TRPM4: variants seen among roughly 807,000 people sequenced by gnomAD.
TRPM4 encodes the protein calcium-activated non-selective cation channel 1.
A neutral mutation model predicts 135.6 loss-of-function variants in TRPM4; 124 were observed. The ratio of observed to expected loss-of-function variants is 0.91; its 90% confidence interval spans 0.79 to 1.06. TRPM4 has a LOEUF of 1.06. Ranked by LOEUF, TRPM4 falls within the 50% of genes least tolerant of loss-of-function variation. TRPM4 has a pLI of 0.00. For missense variants in TRPM4, 1,658 were observed against 1,671.4 expected, an observed-to-expected ratio of 0.99 and a Z score of 0.14; for synonymous variants, 745 against 705.6, an observed-to-expected ratio of 1.06 and a Z score of -0.88.
rs1250436786 is a variant in TRPM4 at position 49,188,738 on chromosome 19, A to G, written c.1841A>G (p.Asp614Gly). 1.2e-6 allele frequency: 2 copies of G among 1,614,060 alleles called. No homozygotes were observed. Among genetic ancestry groups the G allele is most frequent in the African/African-American group, 1.3e-5 (1 of 74,932 alleles). The change falls in exon 13 of 25, where the codon GAC becomes GGC. Residue 614 changes from aspartate (D) to glycine (G), a missense_variant. Physicochemically the swap from Asp to Gly is moderately conservative, Grantham distance 94. This residue lies in a region of TRPM4 where 1,412 missense variants were observed against 1,408.7 expected (regional missense o/e 1.00). Transcript: ENST00000252826. ...PDAEEAARRKDLAFKFEGMGV... is the reference protein window; with the variant it reads ...PDAEEAARRKGLAFKFEGMGV... ...GCTGAGGAGGCAGCACGGAGGAAAG[A>G]CCTGGCGTTCAAGTTTGAGGGGATG...
At chr19:49,189,654 C>G (rs1379174832) in intron 14 of TRPM4, among the ~76,000 whole-genome samples, 1 of 151,994 alleles carries the variant, frequency 6.6e-6, no homozygotes, top group Admixed American at 6.6e-5. Flanking sequence ...CCGATCCTGA[C>G]AAGTTGACAT....
intron 6 of TRPM4, among the ~76,000 whole-genome samples, chr19:49,170,098 C>T (rs927271738): frequency 6.6e-6 from 1 of 152,164 alleles, no homozygotes; most frequent in African/African-American, 2.4e-5. Context: ...AATCAATTTT[C>T]ACTTCAGTGA....
At chr19:49,172,219 C>T (rs1967492236) in intron 9 of TRPM4, 111 bp downstream of exon 9, 2 of 860,510 alleles carry the variant, frequency 2.3e-6, no homozygotes, top group East Asian at 2.5e-5. Context: ...GCCCCCTTTA[C>T]CCCTCTTAAT....
chr19:49,175,067 C>CTTTTTTTTTTTTT lies in TRPM4; in HGVS notation c.1150+2972_1150+2984dup, dbSNP rs772062913. Among the ~76,000 whole-genome samples, 35 of 77,578 alleles carry CTTTTTTTTTTTTT rather than the reference C, an allele frequency of 4.5e-4. 2 individuals carry two copies. Among genetic ancestry groups the CTTTTTTTTTTTTT allele is most frequent in the African/African-American group, 2.1e-3 (29 of 13,530 alleles). The allele number at this position is 77,578 out of a possible 152,430, so 50.9% of individuals were successfully genotyped here. ...CACAGGCATGTGCCATCATGCCTGGCTTTTTTTTTTTTTTTTTTTTTTTTT... is the reference window on the plus strand; with the variant it reads ...CACAGGCATGTGCCATCATGCCTGGCTTTTTTTTTTTTTTTTTTTTTTTTTTTTTTTTTTTTTT... On this transcript the variant is annotated intron_variant, in intron 9 of 24. Transcript: ENST00000252826.
chr19:49,161,554 T>A (rs1316746121), intron 2 of TRPM4, among the ~76,000 whole-genome samples: 1 of 151,604 alleles, frequency 6.6e-6, no homozygotes, highest in Non-Finnish European at 1.5e-5. Context: ...ATCCAACTCC[T>A]GGACTCAAGT....
chr19:49,201,006 T>TC (rs1213936906), intron 19 of TRPM4, among the ~76,000 whole-genome samples: 3 of 150,864 alleles, frequency 2.0e-5, no homozygotes, highest in Non-Finnish European at 4.4e-5. Flanking sequence ...TTTTCTTTTT[T>TC]TTTTTCTTTT....
chr19:49,166,215 T>C lies in TRPM4; in HGVS notation c.267T>C (p.Asn89=). 6.2e-7 allele frequency: 1 copy of C among 1,600,522 alleles called. No individual in the cohort carries two copies. ...CGGGGGCCGGCCGCAAGCACAGCAA[T>C]GTGAGGCGGGCCTCTGTGGGCGGGG... ...DFTGAGRKHS[N]FLRLSDRTDP... Residue 89 remains asparagine (N), a splice_region_variant and synonymous_variant, in exon 3 of 25, where the codon AAT becomes AAC. Transcript: ENST00000252826.
intron 20 of TRPM4, among the ~76,000 whole-genome samples, chr19:49,206,017 G>A (rs1969136088): frequency 6.6e-6 from 1 of 152,044 alleles, no homozygotes; most frequent in Non-Finnish European, 1.5e-5. Flanking sequence ...CGGGATTGCA[G>A]TGGCACGATC....
chr19:49,183,781 T>C (rs1042629800), intron 12 of TRPM4, among the ~76,000 whole-genome samples: 23 of 69,590 alleles, frequency 3.3e-4, no homozygotes, highest in South Asian at 1.1e-3. Context: ...TTTTCTTTTT[T>C]TTTTTTTTTT....
chr19:49,188,788 C>T lies in TRPM4; in HGVS notation c.1873+18C>T. The T allele has an allele frequency of 6.2e-7, 1 of 1,613,746 alleles. No individual in the cohort carries two copies. The highest frequency in any genetic ancestry group is 8.5e-7 in the Non-Finnish European group (1 of 1,179,816). ...GGGCGTTGGTGCGTGGGGCACGGTG[C>T]CTGGGAGCAGGGACGGGGGCTGCCG... On this transcript the variant is annotated intron_variant, in intron 13 of 24. Coordinates refer to ENST00000252826, the MANE Select transcript of TRPM4 (RefSeq NM_017636.4).
At chr19:49,181,804 T>A (rs942429955) in intron 10 of TRPM4, among the ~76,000 whole-genome samples, 1 of 151,960 alleles carries the variant, frequency 6.6e-6, no homozygotes, top group Non-Finnish European at 1.5e-5. Flanking sequence ...AGTGCTGGGG[T>A]TACAGGCATG....
At chr19:49,199,711 T>C (rs1366010925) in intron 17 of TRPM4, among the ~76,000 whole-genome samples, 1 of 151,376 alleles carries the variant, frequency 6.6e-6, no homozygotes, top group Non-Finnish European at 1.5e-5. Flanking sequence ...ACTTTCACTT[T>C]TGTATGTTTC....
At chr19:49,188,033 T>C (rs1051773915) in intron 12 of TRPM4, among the ~76,000 whole-genome samples, 1 of 152,200 alleles carries the variant, frequency 6.6e-6, no homozygotes, top group African/African-American at 2.4e-5. Flanking sequence ...AGCCAGAGGC[T>C]GCGTGACCCC....
chr19:49,182,496 CCA>C, intron 10 of TRPM4, 80 bp from the exon 11 acceptor site: 3 of 1,051,370 alleles, frequency 2.9e-6, no homozygotes, highest in Non-Finnish European at 4.3e-6. Context: ...ATCCATCCAT[CCA>C]TCCGTCCCTC....
chr19:49,205,210 G>A (rs1969103494), intron 20 of TRPM4, among the ~76,000 whole-genome samples: 1 of 151,990 alleles, frequency 6.6e-6, no homozygotes, highest in African/African-American at 2.4e-5. Flanking sequence ...GGATGCTAGA[G>A]GTCCAAAATC....
Position 49,171,784 on chromosome 19 carries a change from G to C in TRPM4, c.1050+15G>C, listed in dbSNP as rs776140649. The C allele has an allele frequency of 1.2e-6, 2 of 1,605,790 alleles. No homozygotes were observed. Among genetic ancestry groups the C allele is most frequent in the Admixed American group, 1.7e-5 (1 of 59,678 alleles). ...TGCAGGCCCAGGTATGACACTGGGGGCCCAACTCTGGATCCTGAGATGGGA... is the reference window on the plus strand; with the variant it reads ...TGCAGGCCCAGGTATGACACTGGGGCCCCAACTCTGGATCCTGAGATGGGA... On this transcript the variant is annotated intron_variant, in intron 8 of 24. Coordinates refer to ENST00000252826, the MANE Select transcript of TRPM4 (RefSeq NM_017636.4). The surrounding 1 kb of genome is among the most constrained non-coding windows in gnomAD (Gnocchi z 4.7).
At position 49,166,148 on chromosome 19, in the gene TRPM4, C is replaced by G. The variant is rs773612234; in HGVS notation, c.200C>G (p.Thr67Ser). 1.2e-6 allele frequency: 2 copies of G among 1,608,510 alleles called. No individual in the cohort carries two copies. The highest frequency in any genetic ancestry group is 4.5e-5 in the East Asian group (2 of 44,618). The change falls in exon 3 of 25, where the codon ACC becomes AGC. Residue 67 changes from threonine (T) to serine (S), a missense_variant. Transcript: ENST00000252826. ...VVTVWDSDAHTTEKPTDAYGE... is the reference protein window; with the variant it reads ...VVTVWDSDAHSTEKPTDAYGE... ...ACCGTGTGGGACAGCGATGCACACA[C>G]CACGGAGAAGCCCACCGATGCCTAC...
chr19:49,193,376 C>T (rs1600489504), intron 16 of TRPM4, among the ~76,000 whole-genome samples: 1 of 152,152 alleles, frequency 6.6e-6, no homozygotes, highest in African/African-American at 2.4e-5. Flanking sequence ...CCACCGCACC[C>T]GTCCGGAAAT....
At chr19:49,197,364 C>CTTTCTTTCTTTCTTTCTCTCTT (rs1305134354) in intron 17 of TRPM4, among the ~76,000 whole-genome samples, 2 of 72,654 alleles carry the variant, frequency 2.8e-5, no homozygotes, top group African/African-American at 1.1e-4. Flanking sequence ...TTCTTTCTTT[C>CTTTCTTTCTTTCTTTCTCTCTT]TCTCTCTTTC....
Sources: allele counts gnomAD v4.1 joint callset (sites outside exome capture counted in the v4.1 genomes callset), GRCh38; gene constraint gnomAD v4.1.1; regional missense constraint gnomAD v4.1.1; non-coding constraint Gnocchi (gnomAD v3.1); transcripts MANE v1.5; gene names NCBI Gene and HGNC (gene_info 2026-07-23, HGNC 2026-07-21).